Variants in KIAA1217 observed in about 807,000 individuals in gnomAD.
KIAA1217 encodes the protein sickle tail protein homolog.
Under a neutral mutation model 163.9 loss-of-function variants are expected in KIAA1217, and 88 were observed. The observed-to-expected ratio is 0.54, with a 90% confidence interval of 0.45 to 0.64. The LOEUF is 0.64. Among genes scored for constraint, KIAA1217 ranks in the 30% least tolerant of loss-of-function variants. The pLI, the probability that KIAA1217 is intolerant of heterozygous loss-of-function variation, is 0.00. For missense variants in KIAA1217, 2,372 were observed against 2,475.0 expected (o/e 0.96, Z 0.88); for synonymous variants, 903 against 923.1 (o/e 0.98, Z 0.39).
intron 2 of KIAA1217, among the ~76,000 whole-genome samples, chr10:24,307,612 CAAAAA>C (rs138090288): frequency 1.7e-5 from 2 of 117,804 alleles, no homozygotes; most frequent in African/African-American, 2.8e-5. Flanking sequence ...CCCATCTCTC[CAAAAA>C]AAAAAAAAAA....
At chr10:24,387,793 TC>T (rs2054226680) in intron 3 of KIAA1217, among the ~76,000 whole-genome samples, 3 of 151,894 alleles carry the variant, frequency 2.0e-5, no homozygotes, top group African/African-American at 7.3e-5. Context: ...ATGAGTGAAC[TC>T]CCATTCACAA....
At chr10:24,036,035 T>A (rs1462974173) in intron 2 of KIAA1217, among the ~76,000 whole-genome samples, 1 of 152,176 alleles carries the variant, frequency 6.6e-6, no homozygotes, top group Non-Finnish European at 1.5e-5. Flanking sequence ...AGAGCCCAGG[T>A]GAAGGCCAGC....
At chr10:23,741,175 T>C (rs752602367) in intron 1 of KIAA1217, among the ~76,000 whole-genome samples, 4 of 152,132 alleles carry the variant, frequency 2.6e-5, no homozygotes, top group Non-Finnish European at 4.4e-5. Flanking sequence ...TAATTCTGGA[T>C]TGGCAAAAGT....
chr10:24,511,877 A>T (rs550004591), intron 9 of KIAA1217, among the ~76,000 whole-genome samples: 5 of 152,112 alleles, frequency 3.3e-5, no homozygotes, highest in Non-Finnish European at 1.5e-5. Flanking sequence ...GTACGTGTTC[A>T]GGTTTAGATT....
intron 1 of KIAA1217, among the ~76,000 whole-genome samples, chr10:23,895,231 C>T (rs532647644): frequency 6.6e-5 from 10 of 151,964 alleles, no homozygotes; most frequent in Non-Finnish European, 1.3e-4. Flanking sequence ...AAAATTTTCA[C>T]AAACTATTCA....
chr10:24,516,381 G>A (rs1225406523), intron 10 of KIAA1217, among the ~76,000 whole-genome samples: 2 of 152,244 alleles, frequency 1.3e-5, no homozygotes, highest in Non-Finnish European at 2.9e-5. Flanking sequence ...CTTGATGCCT[G>A]TCTGGGCTGT....
intron 3 of KIAA1217, among the ~76,000 whole-genome samples, chr10:24,382,638 C>T (rs2053457000): frequency 6.6e-6 from 1 of 151,910 alleles, no homozygotes; most frequent in Admixed American, 6.6e-5. Context: ...TGAGCTCACA[C>T]ACTTAATTAA....
intron 5 of KIAA1217, among the ~76,000 whole-genome samples, chr10:24,455,458 CAAGAT>C (rs2061695917): frequency 6.6e-6 from 1 of 152,162 alleles, no homozygotes; most frequent in African/African-American, 2.4e-5. Flanking sequence ...CGCATTATTA[CAAGAT>C]AAATGTTTTT....
chr10:24,177,737 G>T (rs547372414), intron 2 of KIAA1217, among the ~76,000 whole-genome samples: 200 of 152,116 alleles, frequency 1.3e-3, no homozygotes, highest in Non-Finnish European at 2.2e-3. Context: ...ATTGAAGGTG[G>T]TGGGGGAGGC....
At chr10:24,141,940 ATT>A (rs1213391678) in intron 2 of KIAA1217, among the ~76,000 whole-genome samples, 1 of 152,036 alleles carries the variant, frequency 6.6e-6, no homozygotes, top group East Asian at 1.9e-4. Flanking sequence ...GACATTTTAA[ATT>A]TTTGTTGTTT....
Position 24,414,970 on chromosome 10 carries a change from G to A in KIAA1217, c.554-18025G>A, listed in dbSNP as rs187763448. On this transcript the variant is annotated intron_variant, in intron 3 of 20. Coordinates refer to ENST00000376454, the MANE Select transcript of KIAA1217 (RefSeq NM_019590.5). ...AAGTCTTCTGGAGTTTTTTAAGGGC[G>A]GATTGGAAAGCTAGGTTTGTGAAGC... is the stretch of plus-strand genomic sequence containing the variant. Among the ~76,000 whole-genome samples, 924 of 152,222 alleles carry A rather than the reference G, an allele frequency of 6.1e-3. 9 individuals are homozygous for A. The highest frequency in any genetic ancestry group is 6.8e-3 in the Non-Finnish European group (464 of 68,014).
chr10:24,094,154 C>T (rs563760010), intron 2 of KIAA1217, among the ~76,000 whole-genome samples: 3,960 of 152,114 alleles, frequency 0.026, 70 homozygotes, highest in Middle Eastern at 0.078. Flanking sequence ...ATAGTCCTTT[C>T]GGTATATACC....
At chr10:24,318,912 C>A (rs145783419) in intron 2 of KIAA1217, among the ~76,000 whole-genome samples, 1 of 152,214 alleles carries the variant, frequency 6.6e-6, no homozygotes, top group South Asian at 2.1e-4. Context: ...TCCCTCAGTG[C>A]CTCTGTGAGT....
At chr10:24,297,852 AG>A (rs1359616479) in intron 2 of KIAA1217, among the ~76,000 whole-genome samples, 4 of 152,070 alleles carry the variant, frequency 2.6e-5, no homozygotes, top group African/African-American at 4.8e-5. Flanking sequence ...AATCACATCA[AG>A]GATTTTAACT....
At chr10:24,205,142 T>C (rs1418326005), upstream of KIAA1217, among the ~76,000 whole-genome samples, 1 of 151,960 alleles carries the variant, frequency 6.6e-6, no homozygotes, top group Admixed American at 6.6e-5. Context: ...GTTCTTGCAA[T>C]GATTTCTCTG....
intron 1 of KIAA1217, among the ~76,000 whole-genome samples, chr10:23,853,863 C>G (rs1271814242): frequency 6.6e-6 from 1 of 151,726 alleles, no homozygotes; most frequent in African/African-American, 2.4e-5. Context: ...TGGTGATATC[C>G]CCTTTATCAT....
At chr10:23,946,393 C>A (rs1004643782) in intron 1 of KIAA1217, among the ~76,000 whole-genome samples, 3 of 151,334 alleles carry the variant, frequency 2.0e-5, no homozygotes, top group Non-Finnish European at 4.4e-5. Context: ...CTCATTAGGG[C>A]TTCCTGATTT....
At chr10:24,046,279 A>G (rs1849019463) in intron 2 of KIAA1217, among the ~76,000 whole-genome samples, 2 of 152,082 alleles carry the variant, frequency 1.3e-5, no homozygotes, top group Non-Finnish European at 2.9e-5. Flanking sequence ...GGCTCTTCCT[A>G]TGTGGCCAGC....
chr10:24,344,464 A>G (rs1004411426), intron 2 of KIAA1217, among the ~76,000 whole-genome samples: 26 of 152,336 alleles, frequency 1.7e-4, no homozygotes, highest in Admixed American at 1.3e-3. Flanking sequence ...TCTCTGAGGT[A>G]AATCTTCTTG....
Sources: gnomAD v4.1 joint callset for allele counts (sites outside exome capture counted in the v4.1 genomes callset) on GRCh38, gnomAD v4.1.1 for gene constraint, MANE v1.5 for transcripts, NCBI Gene and HGNC (gene_info 2026-07-23, HGNC 2026-07-21) for gene names.